ATRNL1: variants seen among roughly 807,000 people sequenced by gnomAD.
ATRNL1 encodes attractin-like protein 1.
ATRNL1 carries 95 observed loss-of-function variants against 182.7 expected under a neutral mutation model. That is an observed-to-expected ratio of 0.52 (90% CI 0.44 to 0.62). ATRNL1 has a LOEUF of 0.62. Among genes scored for constraint, ATRNL1 ranks in the 20% least tolerant of loss-of-function variants. The pLI, the probability that ATRNL1 is intolerant of heterozygous loss-of-function variation, is 0.00. For synonymous variants in ATRNL1, 576 were observed against 568.3 expected (o/e 1.01, Z -0.19); for missense variants, 1,471 against 1,679.5 (o/e 0.88, Z 2.17).
At chr10:115,230,076 C>T (rs1849860693) in intron 9 of ATRNL1, among the ~76,000 whole-genome samples, 2 of 152,002 alleles carry the variant, frequency 1.3e-5, no homozygotes, top group Non-Finnish European at 2.9e-5. Flanking sequence ...TATGTATTTG[C>T]CAGCAAACCT....
chr10:115,777,269 AC>A, intron 27 of ATRNL1, among the ~76,000 whole-genome samples: 1 of 152,332 alleles, frequency 6.6e-6, no homozygotes, highest in Admixed American at 6.5e-5. Context: ...TTCAAAAAGT[AC>A]AAGGATTTTA....
At chr10:115,403,167 T>C (rs184000885) in intron 20 of ATRNL1, among the ~76,000 whole-genome samples, 226 of 152,140 alleles carry the variant, frequency 1.5e-3, no homozygotes, top group African/African-American at 5.1e-3. Context: ...TTGTGCCTTC[T>C]TTTCTAGAAC....
intron 26 of ATRNL1, among the ~76,000 whole-genome samples, chr10:115,662,671 T>C (rs1333942770): frequency 1.3e-5 from 2 of 152,174 alleles, no homozygotes; most frequent in Admixed American, 1.3e-4. Flanking sequence ...TCCCTCATAA[T>C]AGAATTTCAA....
chr10:115,264,038 A>T (rs1554909608), intron 10 of ATRNL1, among the ~76,000 whole-genome samples: 1 of 151,568 alleles, frequency 6.6e-6, no homozygotes, highest in Non-Finnish European at 1.5e-5. Context: ...TAGCATATAC[A>T]GGTCAACATA....
chr10:115,475,851 A>G (rs1475505121), intron 24 of ATRNL1, among the ~76,000 whole-genome samples: 2 of 151,278 alleles, frequency 1.3e-5, no homozygotes, highest in Non-Finnish European at 3.0e-5. Flanking sequence ...ATTTCCCATA[A>G]TATTTAAGAT....
At chr10:115,136,340 A>T (rs1554876679) in intron 5 of ATRNL1, among the ~76,000 whole-genome samples, 2 of 152,206 alleles carry the variant, frequency 1.3e-5, no homozygotes. Flanking sequence ...GGTACAGAGA[A>T]TTCCCATTTA....
chr10:115,584,623 A>T (rs1227924127), intron 26 of ATRNL1, among the ~76,000 whole-genome samples: 2 of 148,996 alleles, frequency 1.3e-5, no homozygotes, highest in Non-Finnish European at 3.0e-5. Context: ...TATTGCGTCT[A>T]TTTGATTCTT....
intron 20 of ATRNL1, among the ~76,000 whole-genome samples, chr10:115,420,137 A>G (rs1845585201): frequency 7.0e-6 from 1 of 143,578 alleles, no homozygotes; most frequent in African/African-American, 2.6e-5. Context: ...TCCGCCTCCC[A>G]GGTTCCAGCA....
At chr10:115,700,856 AG>A (rs1402539708) in intron 26 of ATRNL1, among the ~76,000 whole-genome samples, 1 of 152,104 alleles carries the variant, frequency 6.6e-6, no homozygotes, top group Non-Finnish European at 1.5e-5. Flanking sequence ...ACAATAATAG[AG>A]GGGAAGTGCA....
intron 13 of ATRNL1, among the ~76,000 whole-genome samples, chr10:115,271,165 TACACACACACACACACACAC>T (rs59638255): frequency 6.9e-6 from 1 of 145,916 alleles, no homozygotes; most frequent in African/African-American, 2.6e-5. Context: ...ACAAAGATAT[TACACACACACACACACACAC>T]ACACACACAC....
intron 28 of ATRNL1, among the ~76,000 whole-genome samples, chr10:115,902,187 T>C (rs1475812190): frequency 1.3e-5 from 2 of 152,154 alleles, no homozygotes; most frequent in African/African-American, 4.8e-5. Flanking sequence ...TTGCTTCATC[T>C]TAAAAGGCGC....
At chr10:115,622,167 G>A (rs2133807720) in intron 26 of ATRNL1, among the ~76,000 whole-genome samples, 1 of 152,346 alleles carries the variant, frequency 6.6e-6, no homozygotes, top group Admixed American at 6.5e-5. Flanking sequence ...ATTCAGGAGT[G>A]TGCAAGGGAT....
chr10:115,118,990 G>A (rs1554870745), intron 1 of ATRNL1, among the ~76,000 whole-genome samples: 1 of 152,062 alleles, frequency 6.6e-6, no homozygotes. Context: ...GTAATATGGA[G>A]TTATTAATTA....
intron 1 of ATRNL1, among the ~76,000 whole-genome samples, chr10:115,116,567 T>C (rs1288797174): frequency 2.0e-5 from 3 of 152,104 alleles, no homozygotes; most frequent in African/African-American, 7.2e-5. Context: ...ATGGGAATGC[T>C]TTGCCCAAGT....
intron 27 of ATRNL1, among the ~76,000 whole-genome samples, chr10:115,788,943 A>G (rs1949460423): frequency 6.6e-6 from 1 of 152,244 alleles, no homozygotes; most frequent in Admixed American, 6.5e-5. Flanking sequence ...TTTCATTCCT[A>G]GAAATAACGT....
In ATRNL1 at chr10:115,920,958, TTAGAAA is replaced by T. The variant is rs1953039383; in HGVS notation, c.4019-23696_4019-23691del. On this transcript the variant is annotated intron_variant, in intron 28 of 28. Transcript: ENST00000355044. ...ATTATCTGTGAACTAAAATGAGAAGTTAGAAATAGTACAATAACAGAAATGGTTATT... is the reference window on the plus strand; with the variant it reads ...ATTATCTGTGAACTAAAATGAGAAGTTAGTACAATAACAGAAATGGTTATT... Among the ~76,000 whole-genome samples, 4 of 152,268 alleles carry T rather than the reference TTAGAAA, an allele frequency of 2.6e-5. No homozygotes were observed. The South Asian group carries it at 8.3e-4, about 32-fold the overall frequency.
chr10:115,235,275 T>A (rs1486604238), intron 9 of ATRNL1, among the ~76,000 whole-genome samples: 1 of 152,192 alleles, frequency 6.6e-6, no homozygotes, highest in Non-Finnish European at 1.5e-5. Context: ...TTTTGATCAT[T>A]TAAAACAGTA....
intron 27 of ATRNL1, among the ~76,000 whole-genome samples, chr10:115,826,887 C>A (rs1379219083): frequency 6.6e-6 from 1 of 152,174 alleles, no homozygotes; most frequent in Non-Finnish European, 1.5e-5. Flanking sequence ...CACTCTAGTT[C>A]ATGGACTCTA....
chr10:115,649,208 C>T (rs782386968), intron 26 of ATRNL1, among the ~76,000 whole-genome samples: 1 of 152,098 alleles, frequency 6.6e-6, no homozygotes, highest in Non-Finnish European at 1.5e-5. Flanking sequence ...ACAGTCCTCA[C>T]TAAAAGATTA....
Sources: allele counts gnomAD v4.1 joint callset (sites outside exome capture counted in the v4.1 genomes callset), GRCh38; gene constraint gnomAD v4.1.1; transcripts MANE v1.5; gene names NCBI Gene and HGNC (gene_info 2026-07-23, HGNC 2026-07-21).